Variants in FSTL5 observed in about 807,000 individuals in gnomAD.
FSTL5 encodes follistatin like 5, also known as follistatin-related protein 5.
In FSTL5, 62 loss-of-function variants were observed where a neutral mutation model predicts 89.1. The observed-to-expected ratio is 0.70, with a 90% confidence interval of 0.57 to 0.86. FSTL5 has a LOEUF of 0.86. Among genes scored for constraint, FSTL5 ranks in the 40% least tolerant of loss-of-function variants. The pLI is 0.00. For synonymous variants in FSTL5, 383 were observed against 346.2 expected (o/e 1.11, Z -1.18); for missense variants, 1,057 against 1,001.6 (o/e 1.06, Z -0.75).
At chr4:161,756,470 T>C (rs145761440) in intron 6 of FSTL5, among the ~76,000 whole-genome samples, 1 of 152,234 alleles carries the variant, frequency 6.6e-6, no homozygotes, top group African/African-American at 2.4e-5. Context: ...ATGAAACCCA[T>C]ATATATTTCC....
chr4:161,638,642 A>C (rs7440895), intron 7 of FSTL5, among the ~76,000 whole-genome samples: 26,106 of 138,966 alleles, frequency 0.19, 2,794 homozygotes, highest in Non-Finnish European at 0.23. Flanking sequence ...TCCCTAACTC[A>C]TTTTATGAGG....
chr4:161,702,798 T>A (rs1179824892), intron 6 of FSTL5, among the ~76,000 whole-genome samples: 1 of 152,108 alleles, frequency 6.6e-6, no homozygotes, highest in Non-Finnish European at 1.5e-5. Context: ...AGTACAAAGC[T>A]GAGCTCCACT....
At chr4:161,483,197 C>T (rs577547937) in intron 12 of FSTL5, among the ~76,000 whole-genome samples, 3 of 152,156 alleles carry the variant, frequency 2.0e-5, no homozygotes, top group Admixed American at 2.0e-4. Context: ...CAGAAATATA[C>T]TGAATGTCAA....
chr4:161,685,450 A>T (rs752258373), intron 6 of FSTL5, among the ~76,000 whole-genome samples: 2 of 152,028 alleles, frequency 1.3e-5, no homozygotes, highest in Non-Finnish European at 2.9e-5. Flanking sequence ...TTTTCCTTGT[A>T]GATGTCTTTC....
At chr4:161,539,902 CTTTTTT>C (rs11326261) in intron 9 of FSTL5, among the ~76,000 whole-genome samples, 1 of 127,342 alleles carries the variant, frequency 7.9e-6, no homozygotes, top group African/African-American at 3.0e-5. Context: ...AAAATCATAC[CTTTTTT>C]TTTTTTTTTT....
chr4:161,842,455 A>G (rs1731240280), intron 4 of FSTL5, among the ~76,000 whole-genome samples: 1 of 152,172 alleles, frequency 6.6e-6, no homozygotes, highest in Admixed American at 6.6e-5. Flanking sequence ...TGTGATAAAT[A>G]TGCTACTGAA....
chr4:161,706,343 A>T lies in FSTL5; in HGVS notation c.728-49849T>A, dbSNP rs551938606. ...AAGGAGGGAAATGTCATGATTTTTA[A>T]GTCATTTATTATTTAACAAAATTAT... On this transcript the variant is annotated intron_variant, in intron 6 of 15. Transcript: ENST00000306100. Among the ~76,000 whole-genome samples the T allele has an allele frequency of 9.9e-5, 15 of 152,050 alleles. No individual in the cohort carries two copies. In the South Asian group the frequency reaches 3.1e-3, roughly 31 times the overall value.
At chr4:161,396,740 A>C (rs1408923503) in intron 15 of FSTL5, among the ~76,000 whole-genome samples, 2 of 151,970 alleles carry the variant, frequency 1.3e-5, no homozygotes, top group Non-Finnish European at 2.9e-5. Flanking sequence ...GTAAAAAAAA[A>C]AACAGCAAAC....
intron 4 of FSTL5, among the ~76,000 whole-genome samples, chr4:161,829,156 T>TATAG (rs1730762761): frequency 6.8e-6 from 1 of 147,290 alleles, no homozygotes; most frequent in South Asian, 2.1e-4. Flanking sequence ...TATATATATA[T>TATAG]ATATATGTAC....
At chr4:161,642,218 G>C (rs920786840) in intron 7 of FSTL5, among the ~76,000 whole-genome samples, 6 of 152,032 alleles carry the variant, frequency 3.9e-5, no homozygotes, top group African/African-American at 1.4e-4. Context: ...TAAATTTTGC[G>C]AAGACACTCT....
chr4:161,568,408 G>A (rs1367602121), intron 8 of FSTL5, among the ~76,000 whole-genome samples: 2 of 152,174 alleles, frequency 1.3e-5, no homozygotes, highest in African/African-American at 4.8e-5. Flanking sequence ...ACTTAGCCCT[G>A]ATGGTATATG....
At chr4:161,416,113 A>G (rs751404186) in intron 15 of FSTL5, among the ~76,000 whole-genome samples, 3 of 152,172 alleles carry the variant, frequency 2.0e-5, no homozygotes, top group Non-Finnish European at 2.9e-5. Flanking sequence ...CTAAAGCACA[A>G]TGATCTACTG....
chr4:161,978,394 CT>C (rs1055381757), intron 3 of FSTL5, among the ~76,000 whole-genome samples: 4 of 151,832 alleles, frequency 2.6e-5, no homozygotes, highest in East Asian at 1.9e-4. Flanking sequence ...TCAGACATAA[CT>C]TTTTTTTGTT....
chr4:161,630,801 T>C (rs1226346103), intron 7 of FSTL5, among the ~76,000 whole-genome samples: 1 of 152,192 alleles, frequency 6.6e-6, no homozygotes, highest in South Asian at 2.1e-4. Flanking sequence ...ATTCTTTGAG[T>C]CACATGGCCC....
At chr4:161,443,692 C>T (rs1040120384) in intron 15 of FSTL5, among the ~76,000 whole-genome samples, 3 of 151,836 alleles carry the variant, frequency 2.0e-5, no homozygotes, top group South Asian at 2.1e-4. Flanking sequence ...CTGTCTTAAA[C>T]GACTAGAGGA....
At chr4:161,810,061 CAGGA>C (rs1730090420) in intron 4 of FSTL5, among the ~76,000 whole-genome samples, 1 of 151,990 alleles carries the variant, frequency 6.6e-6, no homozygotes, top group Non-Finnish European at 1.5e-5. Context: ...CTCATTAAGA[CAGGA>C]ACAATTTTAG....
intron 7 of FSTL5, among the ~76,000 whole-genome samples, chr4:161,596,667 A>G (rs967997439): frequency 1.3e-5 from 2 of 152,122 alleles, no homozygotes; most frequent in Non-Finnish European, 2.9e-5. Context: ...GAAAATCCCT[A>G]CAAGTTCTAA....
At chr4:161,657,182 T>C (rs977150382) in intron 6 of FSTL5, among the ~76,000 whole-genome samples, 6 of 152,230 alleles carry the variant, frequency 3.9e-5, no homozygotes, top group African/African-American at 1.4e-4. Context: ...GAAATCTGCA[T>C]ATGGCTTTCC....
intron 4 of FSTL5, among the ~76,000 whole-genome samples, chr4:161,894,453 T>C (rs1217585344): frequency 2.0e-5 from 3 of 152,144 alleles, no homozygotes; most frequent in Admixed American, 6.6e-5. Context: ...TCAAAAAATA[T>C]ACAGATGTTT....
Sources: allele counts gnomAD v4.1 joint callset (sites outside exome capture counted in the v4.1 genomes callset), GRCh38; gene constraint gnomAD v4.1.1; transcripts MANE v1.5; gene names NCBI Gene and HGNC (gene_info 2026-07-23, HGNC 2026-07-21).